The following PPFIA1 variants were observed in gnomAD, a reference collection of about 807,000 sequenced individuals.
PPFIA1 encodes the protein PPFI scaffold protein A1.
A neutral mutation model predicts 149.9 loss-of-function variants in PPFIA1; 25 were observed. The ratio of observed to expected loss-of-function variants is 0.17; its 90% CI spans 0.12 to 0.23. The LOEUF is 0.23. Among genes scored for constraint, PPFIA1 ranks in the 10% least tolerant of loss-of-function variants. The pLI is 1.00. For missense variants in PPFIA1, 1,362 were observed against 1,506.5 expected, an observed-to-expected ratio of 0.90 and a Z score of 1.59; for synonymous variants, 549 against 552.8, an observed-to-expected ratio of 0.99 and a Z score of 0.10.
chr11:70,330,094 G>GT, intron 7 of PPFIA1, 79 bp from the exon 8 acceptor site: 1 of 1,354,914 alleles, frequency 7.4e-7, no homozygotes, highest in Admixed American at 2.6e-5. Context: ...ATTTACTTCA[G>GT]TTTTTTTCTC....
chr11:70,344,777 G>C (rs1266441989), intron 15 of PPFIA1, among the ~76,000 whole-genome samples: 3 of 152,236 alleles, frequency 2.0e-5, no homozygotes, highest in Non-Finnish European at 4.4e-5. Context: ...CTGCATCCCA[G>C]AGGACACAAA....
intron 2 of PPFIA1, among the ~76,000 whole-genome samples, chr11:70,274,261 G>T (rs902817919): frequency 6.6e-6 from 1 of 152,204 alleles, no homozygotes; most frequent in South Asian, 2.1e-4. Flanking sequence ...AGGCAAGTTA[G>T]AGTGTACTTA....
intron 7 of PPFIA1, chr11:70,327,153 C>T (rs1001038127): frequency 5.3e-5 from 13 of 246,040 alleles, no homozygotes; most frequent in African/African-American, 3.0e-4. Context: ...TTCATCTGTG[C>T]AATTTCTAGG....
intron 21 of PPFIA1, among the ~76,000 whole-genome samples, chr11:70,368,307 T>C (rs1289755558): frequency 6.6e-6 from 1 of 152,228 alleles, no homozygotes; most frequent in African/African-American, 2.4e-5. Flanking sequence ...ACATTCTTTG[T>C]TTAAATTAGA....
chr11:70,284,886 G>T (rs1263548393), intron 2 of PPFIA1, among the ~76,000 whole-genome samples: 1 of 152,182 alleles, frequency 6.6e-6, no homozygotes, highest in African/African-American at 2.4e-5. Flanking sequence ...TCAGACAGAG[G>T]TGAAGACTTG....
chr11:70,278,596 T>G (rs887784303), intron 2 of PPFIA1, among the ~76,000 whole-genome samples: 1 of 152,194 alleles, frequency 6.6e-6, no homozygotes, highest in Non-Finnish European at 1.5e-5. Context: ...ATAATGTTTG[T>G]GCAAAACCAA....
chr11:70,323,746 A>T (rs2054100997), intron 2 of PPFIA1, among the ~76,000 whole-genome samples: 1 of 152,224 alleles, frequency 6.6e-6, no homozygotes, highest in South Asian at 2.1e-4. Flanking sequence ...CAAGCAGGTC[A>T]GTGGAGCTTC....
chr11:70,348,815 G>A (rs2055872703), intron 16 of PPFIA1, among the ~76,000 whole-genome samples: 1 of 152,132 alleles, frequency 6.6e-6, no homozygotes, highest in Non-Finnish European at 1.5e-5. Flanking sequence ...AGGCTACAGT[G>A]AGCCATGATT....
chr11:70,350,517 T>C (rs1177224814), intron 16 of PPFIA1, among the ~76,000 whole-genome samples: 1 of 152,236 alleles, frequency 6.6e-6, no homozygotes, highest in Non-Finnish European at 1.5e-5. Context: ...AATTTATTTT[T>C]GAAAAGTGGT....
chr11:70,322,968 C>T (rs970872699), intron 2 of PPFIA1, among the ~76,000 whole-genome samples: 3 of 152,190 alleles, frequency 2.0e-5, no homozygotes, highest in Non-Finnish European at 4.4e-5. Context: ...CTGTTGTCTT[C>T]AGCAGTGCCC....
At chr11:70,374,151 A>G (rs2057385363) in intron 23 of PPFIA1, 1 of 152,226 alleles carries the variant, frequency 6.6e-6, no homozygotes, top group Non-Finnish European at 1.5e-5. Context: ...AGGCAGGAGT[A>G]TTGTCTGAGC....
intron 14 of PPFIA1, among the ~76,000 whole-genome samples, chr11:70,339,902 G>GCT (rs1205991218): frequency 2.0e-5 from 3 of 152,094 alleles, no homozygotes; most frequent in Non-Finnish European, 2.9e-5. Context: ...TATAATCCCA[G>GCT]CTACTCAGAA....
At chr11:70,282,191 G>A (rs528432037) in intron 2 of PPFIA1, among the ~76,000 whole-genome samples, 1 of 152,248 alleles carries the variant, frequency 6.6e-6, no homozygotes, top group Non-Finnish European at 1.5e-5. Context: ...TCCCGTCTTG[G>A]CCACTGTGTG....
At chr11:70,321,339 T>A (rs2053928148) in intron 2 of PPFIA1, 1 of 152,236 alleles carries the variant, frequency 6.6e-6, no homozygotes, top group Admixed American at 6.5e-5. Context: ...CTGAATGGAC[T>A]GAGCCACTAG....
At chr11:70,345,985 T>G (rs1427660256) in intron 15 of PPFIA1, 1 of 455,258 alleles carries the variant, frequency 2.2e-6, no homozygotes, top group Non-Finnish European at 4.4e-6. Context: ...GAAGTTAACA[T>G]GGACAGTGAG....
intron 21 of PPFIA1, among the ~76,000 whole-genome samples, chr11:70,367,918 T>C (rs2057030343): frequency 6.6e-6 from 1 of 152,084 alleles, no homozygotes. Flanking sequence ...GGTGGATCGC[T>C]TTCAGCCCAG....
In PPFIA1 at chr11:70,325,164, A is replaced by G. The variant is rs557635585; in HGVS notation, c.531+153A>G. 7 of 678,444 alleles carry G rather than the reference A, an allele frequency of 1.0e-5. No individual in the cohort carries two copies. The African/African-American group carries it at 1.1e-4, about 11-fold the overall frequency. 42.0% of individuals were successfully genotyped at this position (678,444 alleles called of 1,614,324 possible). ...GGGTTTTGTAGGTTTAAAAAGTACTAATTGGCTTAAATGTCTTAAAATTAC... is the reference window on the plus strand; with the variant it reads ...GGGTTTTGTAGGTTTAAAAAGTACTGATTGGCTTAAATGTCTTAAAATTAC... On this transcript the variant is annotated intron_variant, in intron 4 of 27. Coordinates refer to ENST00000253925, the MANE Select transcript of PPFIA1 (RefSeq NM_003626.5).
chr11:70,369,599 A>G (rs1279476689), intron 21 of PPFIA1, among the ~76,000 whole-genome samples: 1 of 152,070 alleles, frequency 6.6e-6, no homozygotes, highest in Non-Finnish European at 1.5e-5. Flanking sequence ...TCTTGGGTAG[A>G]GATTTTCTTT....
intron 7 of PPFIA1, chr11:70,327,097 T>C (rs2054345551): frequency 2.7e-6 from 1 of 377,306 alleles, no homozygotes; most frequent in Non-Finnish European, 4.8e-6. Flanking sequence ...TGGCCTCTCC[T>C]ACCTGTGCTG....
Sources: gnomAD v4.1 joint callset for allele counts (sites outside exome capture counted in the v4.1 genomes callset) on GRCh38, gnomAD v4.1.1 for gene constraint, MANE v1.5 for transcripts, NCBI Gene and HGNC (gene_info 2026-07-23, HGNC 2026-07-21) for gene names.